SH3BP4: variants seen among roughly 807,000 people sequenced by gnomAD.
The protein encoded by SH3BP4 is SH3 domain-binding protein 4.
SH3BP4 carries 33 observed loss-of-function variants against 65.5 expected under a neutral mutation model. That is an observed-to-expected ratio of 0.50 (90% CI 0.38 to 0.67). The LOEUF is 0.67. Ranked by LOEUF, SH3BP4 falls within the 30% of genes least tolerant of loss-of-function variation. The pLI, the probability that SH3BP4 is intolerant of heterozygous loss-of-function variation, is 0.00. For synonymous variants in SH3BP4, 552 were observed against 545.5 expected (o/e 1.01, Z -0.17); for missense variants, 1,134 against 1,261.4 (o/e 0.90, Z 1.53).
intron 1 of SH3BP4, among the ~76,000 whole-genome samples, chr2:234,984,679 G>A (rs539080609): frequency 2.0e-5 from 3 of 152,088 alleles, no homozygotes; most frequent in Non-Finnish European, 4.4e-5. Context: ...GACCAGAACC[G>A]ACCGAGTCCT....
intron 1 of SH3BP4, among the ~76,000 whole-genome samples, chr2:234,955,463 G>A (rs898992360): frequency 2.0e-5 from 3 of 152,048 alleles, no homozygotes; most frequent in Non-Finnish European, 2.9e-5. Context: ...CAGCTCCTCG[G>A]TGGGCCCTGA....
chr2:234,976,312 A>G lies in SH3BP4; in HGVS notation c.-206-18991A>G, dbSNP rs951298101. ...CTAAAAATTGCCTTTTTATAAATGCAGGCCAGGCTGTCACCTTTATTTATT... is the reference window on the plus strand; with the variant it reads ...CTAAAAATTGCCTTTTTATAAATGCGGGCCAGGCTGTCACCTTTATTTATT... On this transcript the variant is annotated intron_variant, in intron 1 of 5. Transcript: ENST00000392011. The surrounding 1 kb of genome is among the most constrained non-coding windows in gnomAD (Gnocchi z 4.7). Among the ~76,000 whole-genome samples the G allele has an allele frequency of 4.6e-5, 7 of 152,244 alleles. No homozygotes were observed. Among genetic ancestry groups the G allele is most frequent in the African/African-American group, 1.4e-4 (6 of 41,470 alleles).
In SH3BP4 at chr2:234,952,248, G is replaced by C. The variant is rs1033757466; in HGVS notation, c.-207+78G>C. On this transcript the variant is annotated intron_variant, in intron 1 of 5. Coordinates refer to ENST00000392011, the MANE Select transcript of SH3BP4 (RefSeq NM_014521.3). The surrounding 1 kb of genome is among the most constrained non-coding windows in gnomAD (Gnocchi z 6.5). ...CGGGGGCGCGGGGTCGTGCTCGGGG[G>C]CTTTGCACTCCCTTGCGGGCGCAGA... 2.0e-5 allele frequency: 3 copies of C among 150,510 alleles called. No homozygotes were observed. The highest frequency in any genetic ancestry group is 4.9e-5 in the African/African-American group (2 of 41,182). 9.3% of individuals were successfully genotyped at this position (150,510 alleles called of 1,614,324 possible).
chr2:234,966,255 G>A (rs879794227), intron 1 of SH3BP4, among the ~76,000 whole-genome samples: 4 of 152,198 alleles, frequency 2.6e-5, no homozygotes, highest in Non-Finnish European at 5.9e-5. Flanking sequence ...TGTAATCCCA[G>A]CTACTTGGGA....
chr2:234,987,696 C>T (rs1404018434), intron 1 of SH3BP4, among the ~76,000 whole-genome samples: 1 of 152,148 alleles, frequency 6.6e-6, no homozygotes, highest in Non-Finnish European at 1.5e-5. Context: ...TTTTCGAAAC[C>T]TTGGATTAAA....
In SH3BP4 at chr2:234,999,891, G is replaced by T. The variant is rs1694045052; in HGVS notation, c.-133+4515G>T. On this transcript the variant is annotated intron_variant, in intron 2 of 5. Coordinates refer to ENST00000392011, the MANE Select transcript of SH3BP4 (RefSeq NM_014521.3). Reference sequence around the variant, plus strand: ...TGCTGCTCACCACCAGCACATACCTGGCCCAGGAGTGGCTGCCAGTCAATG... The same window carrying T: ...TGCTGCTCACCACCAGCACATACCTTGCCCAGGAGTGGCTGCCAGTCAATG... Among the ~76,000 whole-genome samples the T allele has an allele frequency of 2.6e-5, 4 of 152,330 alleles. No homozygotes were observed. The South Asian group carries it at 8.3e-4, about 32-fold the overall frequency.
intron 1 of SH3BP4, chr2:234,979,539 C>T (rs1372916622): frequency 6.6e-6 from 1 of 152,254 alleles, no homozygotes; most frequent in African/African-American, 2.4e-5. Context: ...GTGAAGTCCC[C>T]TCCCTTTGGC....
chr2:234,974,418 A>G lies in SH3BP4; in HGVS notation c.-206-20885A>G, dbSNP rs1021254994. Among the ~76,000 whole-genome samples, 2 of 152,216 alleles carry G rather than the reference A, an allele frequency of 1.3e-5. No individual in the cohort carries two copies. The highest frequency in any genetic ancestry group is 4.8e-5 in the African/African-American group (2 of 41,460). ...GAGATTTGTGAAGGTCATGAGTTCC[A>G]GCCCATTTCACTGCTCCATAAAATG... is the stretch of plus-strand genomic sequence containing the variant. On this transcript the variant is annotated intron_variant, in intron 1 of 5. Transcript: ENST00000392011. The surrounding 1 kb of genome is among the most constrained non-coding windows in gnomAD (Gnocchi z 4.6).
chr2:234,967,216 C>T lies in SH3BP4; in HGVS notation c.-207+15046C>T, dbSNP rs142080805. On this transcript the variant is annotated intron_variant, in intron 1 of 5. Transcript: ENST00000392011. This position sits in a 1 kb window ranked among gnomAD's most constrained non-coding sequence, Gnocchi z 4.6. Reference sequence around the variant, plus strand: ...AACCATGATACTGTTCTCCCCTACACGGGGGGCCAGGTCTCAATTCCAGGG... The same window carrying T: ...AACCATGATACTGTTCTCCCCTACATGGGGGGCCAGGTCTCAATTCCAGGG... Among the ~76,000 whole-genome samples the T allele has an allele frequency of 2.5e-4, 38 of 152,216 alleles. No homozygotes were observed. Among genetic ancestry groups the T allele is most frequent in the African/African-American group, 6.7e-4 (28 of 41,522 alleles).
intron 2 of SH3BP4, among the ~76,000 whole-genome samples, chr2:235,007,903 A>G (rs966225612): frequency 6.6e-6 from 1 of 152,198 alleles, no homozygotes; most frequent in African/African-American, 2.4e-5. Flanking sequence ...CAGAGCAGGG[A>G]TGGGCACCGG....
chr2:235,019,896 AT>A (rs1326741008), intron 2 of SH3BP4, among the ~76,000 whole-genome samples: 2 of 147,728 alleles, frequency 1.4e-5, no homozygotes, highest in Non-Finnish European at 3.0e-5. Context: ...AAAAAAAAAA[AT>A]CTTTAAAAGA....
chr2:234,986,706 A>G (rs539915222), intron 1 of SH3BP4, among the ~76,000 whole-genome samples: 5 of 152,080 alleles, frequency 3.3e-5, no homozygotes, highest in Non-Finnish European at 5.9e-5. Context: ...AAATGATGGC[A>G]TGATGATACC....
chr2:235,044,848 A>C (rs1453755050), intron 4 of SH3BP4, among the ~76,000 whole-genome samples: 1 of 152,184 alleles, frequency 6.6e-6, no homozygotes, highest in South Asian at 2.1e-4. Flanking sequence ...GGTGGCCTGC[A>C]GTCGTGTGCA....
intron 2 of SH3BP4, among the ~76,000 whole-genome samples, chr2:235,011,892 C>T (rs780523269): frequency 5.9e-5 from 9 of 152,284 alleles, no homozygotes; most frequent in Middle Eastern, 3.4e-3. Context: ...GTCCGTTGAG[C>T]GGTTGCTGCT....
chr2:235,023,822 T>C (rs908220550), intron 2 of SH3BP4, among the ~76,000 whole-genome samples: 1 of 152,198 alleles, frequency 6.6e-6, no homozygotes, highest in African/African-American at 2.4e-5. Context: ...TTCTATTAAA[T>C]AGCCTAAGAA....
chr2:235,046,139 CT>C lies in SH3BP4; in HGVS notation c.2478+2894del, dbSNP rs1695851572. 1.3e-5 allele frequency among the ~76,000 whole-genome samples: 2 copies of C among 152,322 alleles called. No individual in the cohort carries two copies. The highest frequency in any genetic ancestry group is 4.8e-5 in the African/African-American group (2 of 41,578). On this transcript the variant is annotated intron_variant, in intron 4 of 5. Transcript: ENST00000392011. The surrounding 1 kb of genome is among the most constrained non-coding windows in gnomAD (Gnocchi z 4.2). ...CTCCTGCAGATGCTATGCTGTTCCTCTTCCTGGAGCTCCCTTTCCCAGACCT... is the reference window on the plus strand; with the variant it reads ...CTCCTGCAGATGCTATGCTGTTCCTCTCCTGGAGCTCCCTTTCCCAGACCT...
intron 2 of SH3BP4, among the ~76,000 whole-genome samples, chr2:235,025,152 C>G (rs960508561): frequency 6.6e-6 from 1 of 152,108 alleles, no homozygotes; most frequent in African/African-American, 2.4e-5. Flanking sequence ...CAGCCCATTG[C>G]CACAAATGTC....
intron 3 of SH3BP4, among the ~76,000 whole-genome samples, chr2:235,036,740 A>AAAT (rs1553567054): frequency 7.1e-6 from 1 of 141,772 alleles, no homozygotes; most frequent in East Asian, 2.1e-4. Flanking sequence ...TCTATATAAA[A>AAAT]AATAATAATA....
At chr2:234,983,558 A>G (rs1384838084) in intron 1 of SH3BP4, among the ~76,000 whole-genome samples, 1 of 152,186 alleles carries the variant, frequency 6.6e-6, no homozygotes, top group Non-Finnish European at 1.5e-5. Flanking sequence ...ACATATTTCT[A>G]TCCTAATGCT....
Sources: allele counts gnomAD v4.1 joint callset (sites outside exome capture counted in the v4.1 genomes callset), GRCh38; gene constraint gnomAD v4.1.1; non-coding constraint Gnocchi (gnomAD v3.1); transcripts MANE v1.5; gene names NCBI Gene and HGNC (gene_info 2026-07-23, HGNC 2026-07-21).